Variants in SEPTIN9 observed in about 807,000 individuals in gnomAD.
SEPTIN9 encodes septin-9.
In SEPTIN9, 13 loss-of-function variants were observed where a neutral mutation model predicts 56.6. The ratio of observed to expected loss-of-function variants is 0.23; its 90% CI spans 0.15 to 0.37. The LOEUF is 0.37. Ranked by LOEUF, SEPTIN9 falls within the 10% of genes least tolerant of loss-of-function variation. SEPTIN9 has a pLI of 1.00. For synonymous variants in SEPTIN9, 332 were observed against 334.1 expected, an observed-to-expected ratio of 0.99 and a Z score of 0.07; for missense variants, 650 against 823.1, an observed-to-expected ratio of 0.79 and a Z score of 2.57.
chr17:77,402,457 G>A lies in SEPTIN9; in HGVS notation c.475G>A (p.Glu159Lys), dbSNP rs2035933059. The A allele has an allele frequency of 6.2e-7, 1 of 1,609,734 alleles. No individual in the cohort carries two copies. Among genetic ancestry groups the A allele is most frequent in the South Asian group, 1.1e-5 (1 of 90,498 alleles). ...RTEITIVKPQ[E>K]SAHRRMEPPA... ...GGAGATCACCATCGTCAAACCCCAG[G>A]AGTCAGCCCACCGGAGGATGGAGCC... The change falls in exon 3 of 12, where the codon GAG becomes AAG. Residue 159 changes from glutamate to lysine, a missense_variant. This residue lies in a region of SEPTIN9 where 317 missense variants were observed against 329.1 expected (regional missense o/e 0.96). Coordinates refer to ENST00000427177, the MANE Select transcript of SEPTIN9 (RefSeq NM_001113491.2). This position sits in a 1 kb window ranked among gnomAD's most constrained non-coding sequence, Gnocchi z 6.6.
chr17:77,470,730 C>T (rs993472812), intron 3 of SEPTIN9: 1 of 152,294 alleles, frequency 6.6e-6, no homozygotes, highest in Admixed American at 6.5e-5. Context: ...ATTTATCCAA[C>T]CATCCATCCC....
chr17:77,378,311 C>T (rs542457124), intron 2 of SEPTIN9, among the ~76,000 whole-genome samples: 42 of 152,114 alleles, frequency 2.8e-4, no homozygotes, highest in African/African-American at 8.7e-4. Flanking sequence ...ATGCCCAGGC[C>T]GCCCTCACTC....
chr17:77,474,145 C>A (rs1012156256), intron 3 of SEPTIN9, among the ~76,000 whole-genome samples: 1 of 152,202 alleles, frequency 6.6e-6, no homozygotes, highest in Non-Finnish European at 1.5e-5. Flanking sequence ...GGGGCGGCCT[C>A]CTGGAGGTGG....
intron 1 of SEPTIN9, among the ~76,000 whole-genome samples, chr17:77,291,009 G>GT (rs1375493316): frequency 1.3e-5 from 2 of 148,768 alleles, no homozygotes; most frequent in South Asian, 2.2e-4. Context: ...GGGACTACAG[G>GT]TGTGCGCTGC....
chr17:77,371,805 A>G lies in SEPTIN9; in HGVS notation c.77-30254A>G, dbSNP rs1005998227. 6.6e-6 allele frequency among the ~76,000 whole-genome samples: 1 copy of G among 152,230 alleles called. No homozygotes were observed. Among genetic ancestry groups the G allele is most frequent in the South Asian group, 2.1e-4 (1 of 4,834 alleles). ...TGGTTTTGCAGTTCCCATGTCCACA[A>G]ACTCACTTGGTTGAAAATAGTTCAA... On this transcript the variant is annotated intron_variant, in intron 2 of 11. Coordinates refer to ENST00000427177, the MANE Select transcript of SEPTIN9 (RefSeq NM_001113491.2). This position sits in a 1 kb window ranked among gnomAD's most constrained non-coding sequence, Gnocchi z 4.1.
chr17:77,432,110 C>T (rs1019602653), intron 3 of SEPTIN9, among the ~76,000 whole-genome samples: 1 of 152,138 alleles, frequency 6.6e-6, no homozygotes, highest in South Asian at 2.1e-4. Context: ...CCTGTGAGGC[C>T]GTGTGAACCA....
intron 2 of SEPTIN9, among the ~76,000 whole-genome samples, chr17:77,386,737 G>C (rs1439759617): frequency 1.3e-5 from 2 of 152,214 alleles, no homozygotes; most frequent in Admixed American, 6.5e-5. Context: ...GATCGGGGAG[G>C]CCTCTCTGGC....
intron 2 of SEPTIN9, among the ~76,000 whole-genome samples, chr17:77,321,097 C>T (rs559794050): frequency 1.1e-4 from 17 of 152,248 alleles, no homozygotes; most frequent in Non-Finnish European, 1.8e-4. Flanking sequence ...TGGCCAGCGC[C>T]GTCATCGGTA....
chr17:77,482,449 C>T (rs1031920517), intron 4 of SEPTIN9, 114 bp downstream of exon 4: 1 of 1,065,306 alleles, frequency 9.4e-7, no homozygotes, highest in Non-Finnish European at 1.4e-6. Context: ...GGGCAGCAAC[C>T]CTGACCTCAA....
rs372237745 is a variant in SEPTIN9 at position 77,488,261 on chromosome 17, G to A, written c.1064G>A (p.Arg355Gln). 267 of 1,613,650 alleles carry A rather than the reference G, an allele frequency of 1.7e-4. No individual in the cohort carries two copies. The highest frequency in any genetic ancestry group is 2.2e-4 in the Non-Finnish European group (256 of 1,179,846). Residue 355 changes from arginine to glutamine, a missense_variant, in exon 6 of 12, where the codon CGG (arginine) becomes CAG (glutamine). Arg to Gln is a conservative substitution (Grantham distance 43). Around this residue, in one of 2 missense-constraint regions of SEPTIN9, gnomAD observed 333 missense variants for 494.0 expected, o/e 0.67. Transcript: ENST00000427177. ...ITHDIEEKGV[R>Q]MKLTVIDTPG... ...GCAGATATTGAGGAGAAAGGCGTCC[G>A]GATGAAGCTGACAGTGATTGACACA...
intron 1 of SEPTIN9, among the ~76,000 whole-genome samples, chr17:77,290,328 G>A (rs1003050234): frequency 2.0e-5 from 3 of 148,514 alleles, no homozygotes; most frequent in South Asian, 2.1e-4. Flanking sequence ...CGCGATCTCC[G>A]CTCACTGCAA....
intron 4 of SEPTIN9, chr17:77,482,809 G>C (rs2039513705): frequency 1.9e-6 from 1 of 533,700 alleles, no homozygotes; most frequent in Non-Finnish European, 3.3e-6. Context: ...TGGTGGCCCC[G>C]GAGAGCTGGA....
chr17:77,376,071 A>G (rs1377056368), intron 2 of SEPTIN9: 29 of 985,710 alleles, frequency 2.9e-5, no homozygotes, highest in Non-Finnish European at 3.0e-5. Flanking sequence ...ACCACTAGCT[A>G]GCAGGGGAGA....
At chr17:77,324,714 G>C (rs927311014) in intron 2 of SEPTIN9, among the ~76,000 whole-genome samples, 1 of 152,054 alleles carries the variant, frequency 6.6e-6, no homozygotes, top group South Asian at 2.1e-4. Context: ...AGTGTTAGGA[G>C]ATCTGTAGAT....
rs1208466347 is a variant in SEPTIN9 at position 77,314,404 on chromosome 17, G to C, written c.76+7207G>C. ...TCTCTATGTTGCCCAGGCTGGTCTT[G>C]AACTCTTGGCCTCAAGTGATCCTCC... On this transcript the variant is annotated intron_variant, in intron 2 of 11. Transcript: ENST00000427177. Among the ~76,000 whole-genome samples, 5 of 122,228 alleles carry C rather than the reference G, an allele frequency of 4.1e-5. No homozygotes were observed. In the East Asian group the frequency reaches 1.3e-3, roughly 32 times the overall value. 80.2% of individuals were successfully genotyped at this position (122,228 alleles called of 152,430 possible). A position where few individuals can be genotyped will look rare whatever the true frequency, so the allele number is the denominator to read the frequency against.
At chr17:77,357,351 C>T (rs564731123) in intron 2 of SEPTIN9, among the ~76,000 whole-genome samples, 1 of 149,434 alleles carries the variant, frequency 6.7e-6, no homozygotes, top group African/African-American at 2.5e-5. Context: ...TTACCTTTCT[C>T]TTCCCTCCAT....
intron 3 of SEPTIN9, among the ~76,000 whole-genome samples, chr17:77,471,701 G>A (rs1293226582): frequency 6.6e-6 from 1 of 152,208 alleles, no homozygotes; most frequent in African/African-American, 2.4e-5. Context: ...ACCCACCCAC[G>A]GGGGAACTTT....
Position 77,319,701 on chromosome 17 carries a change from G to C in SEPTIN9, c.76+12504G>C, listed in dbSNP as rs2032834701. The C allele has an allele frequency of 1.9e-6, 2 of 1,066,440 alleles. No individual in the cohort carries two copies. Among genetic ancestry groups the C allele is most frequent in the Non-Finnish European group, 2.3e-6 (2 of 879,944 alleles). The allele number at this position is 1,066,440 out of a possible 1,614,324, so 66.1% of individuals were successfully genotyped here. A position where few individuals can be genotyped will look rare whatever the true frequency, so the allele number is the denominator to read the frequency against. On this transcript the variant is annotated intron_variant, in intron 2 of 11. Coordinates refer to ENST00000427177, the MANE Select transcript of SEPTIN9 (RefSeq NM_001113491.2). This position sits in a 1 kb window ranked among gnomAD's most constrained non-coding sequence, Gnocchi z 5.3. The stretch of plus-strand genomic sequence containing the variant: ...CCCAGGACAGAGGAAGGCGAGGCAG[G>C]CACGCAGGAACTGGGCTTTTTAAAC...
chr17:77,339,322 TA>T (rs1414013121), intron 2 of SEPTIN9, among the ~76,000 whole-genome samples: 1 of 152,204 alleles, frequency 6.6e-6, no homozygotes. Context: ...ATATATTTCT[TA>T]AATAATAAGA....
Sources: gnomAD v4.1 joint callset for allele counts (sites outside exome capture counted in the v4.1 genomes callset) on GRCh38, gnomAD v4.1.1 for gene constraint, gnomAD v4.1.1 regional missense constraint, Gnocchi (gnomAD v3.1) non-coding constraint, MANE v1.5 for transcripts, NCBI Gene and HGNC (gene_info 2026-07-23, HGNC 2026-07-21) for gene names.